POLR2F: variants seen among roughly 807,000 people sequenced by gnomAD.
POLR2F encodes the protein RNA polymerase II, I and III subunit F, also known as DNA-directed RNA polymerases I, II, and III subunit RPABC2.
POLR2F carries 12 observed loss-of-function variants against 22.7 expected under a neutral mutation model. The observed-to-expected ratio is 0.53, with a 90% CI of 0.34 to 0.86. POLR2F has a LOEUF of 0.86. POLR2F is among the 40% of genes least tolerant of loss of function. The pLI, the probability that POLR2F is intolerant of heterozygous loss-of-function variation, is 0.02. For synonymous variants in POLR2F, 57 were observed against 66.0 expected (o/e 0.86, Z 0.66); for missense variants, 126 against 171.5 (o/e 0.73, Z 1.48).
At chr22:37,958,986 AT>A (rs1001909351) in intron 2 of POLR2F, among the ~76,000 whole-genome samples, 1 of 151,952 alleles carries the variant, frequency 6.6e-6, no homozygotes. Flanking sequence ...GCTTAGGGTA[AT>A]TTTTTTGTGC....
rs1020687341 is a variant in POLR2F, at chr22:37,969,054, C to A, written c.*1339C>A. The A allele has an allele frequency of 4.1e-6, 4 of 985,434 alleles. No individual in the cohort carries two copies. Among genetic ancestry groups the A allele is most frequent in the African/African-American group, 1.7e-5 (1 of 57,342 alleles). The allele number at this position is 985,434 out of a possible 1,614,324, so 61.0% of individuals were successfully genotyped here. A position where few individuals can be genotyped will look rare whatever the true frequency, so the allele number is the denominator to read the frequency against. The stretch of plus-strand genomic sequence containing the variant: ...AGAGTGCGGGGGTCACTTTCTCGGC[C>A]CCATTTCTCTAAATGGTCTCTTTGT... On this transcript the variant is annotated 3_prime_UTR_variant, in exon 5 of 5. Coordinates refer to ENST00000442738, the MANE Select transcript of POLR2F (RefSeq NM_021974.5).
chr22:38,007,600 C>T (rs2084833229), intron 1 of POLR2F, among the ~76,000 whole-genome samples: 1 of 152,228 alleles, frequency 6.6e-6, no homozygotes, highest in Non-Finnish European at 1.5e-5. Flanking sequence ...AAAGCCATGC[C>T]TCCCAGGGCT....
intron 4 of POLR2F, among the ~76,000 whole-genome samples, chr22:37,976,237 A>G (rs1932215767): frequency 2.6e-5 from 4 of 152,024 alleles, no homozygotes; most frequent in African/African-American, 9.7e-5. Context: ...AAAAACAAAA[A>G]CAAAAAAAAG....
chr22:37,982,704 G>A (rs1932438332), upstream of POLR2F, among the ~76,000 whole-genome samples: 1 of 152,174 alleles, frequency 6.6e-6, no homozygotes, highest in African/African-American at 2.4e-5. Flanking sequence ...GGTGACTCTG[G>A]GGCAGGGCAG....
downstream of POLR2F, among the ~76,000 whole-genome samples, chr22:37,971,915 G>C (rs968382808): frequency 1.8e-4 from 27 of 151,894 alleles, no homozygotes; most frequent in Admixed American, 1.8e-3. Context: ...GGGCATAGCC[G>C]CCGGGCTGGG....
At chr22:38,034,564 G>A (rs920485958) in intron 5 of POLR2F, among the ~76,000 whole-genome samples, 1 of 152,222 alleles carries the variant, frequency 6.6e-6, no homozygotes, top group East Asian at 1.9e-4. Flanking sequence ...AGGAGAGCCA[G>A]GCCACTTGGA....
chr22:38,015,265 G>A (rs1429332005), intron 1 of POLR2F, among the ~76,000 whole-genome samples: 1 of 152,228 alleles, frequency 6.6e-6, no homozygotes, highest in Non-Finnish European at 1.5e-5. Flanking sequence ...GCCCATGGAA[G>A]GGGCCTGAGG....
rs1298584592 is a variant in POLR2F at position 38,017,618 on chromosome 22, T to C, written c.121-8251T>C. ...GAGCTCAGAGCACCTGAATGGGTCA[T>C]GCAGTCCCGTCAGCATCTCAGGGCT... is the stretch of plus-strand genomic sequence containing the variant. On this transcript the variant is annotated intron_variant, in intron 1 of 2. Transcript: ENST00000333418. This position sits in a 1 kb window ranked among gnomAD's most constrained non-coding sequence, Gnocchi z 4.1. Among the ~76,000 whole-genome samples the C allele has an allele frequency of 6.6e-6, 1 of 152,188 alleles. No individual in the cohort carries two copies. The highest frequency in any genetic ancestry group is 2.4e-5 in the African/African-American group (1 of 41,448).
intron 1 of POLR2F, among the ~76,000 whole-genome samples, chr22:37,998,332 C>T (rs566873821): frequency 5.9e-5 from 9 of 152,358 alleles, no homozygotes; most frequent in Admixed American, 3.9e-4. Context: ...AGGCCAGGGC[C>T]GGGCCGAGGG....
At chr22:38,013,036 A>T (rs1040151824) in intron 1 of POLR2F, among the ~76,000 whole-genome samples, 2 of 152,172 alleles carry the variant, frequency 1.3e-5, no homozygotes, top group African/African-American at 4.8e-5. Context: ...CCTGCCCCAC[A>T]GAACTTATTC....
chr22:37,979,316 T>TC (rs1932322156), intron 4 of POLR2F, among the ~76,000 whole-genome samples: 1 of 152,002 alleles, frequency 6.6e-6, no homozygotes, highest in African/African-American at 2.4e-5. Flanking sequence ...CAGGCTGGTC[T>TC]CCAACTCCTG....
downstream of POLR2F, chr22:37,973,973 C>A (rs1462084730): frequency 6.2e-7 from 1 of 1,612,272 alleles, no homozygotes; most frequent in East Asian, 2.2e-5. Flanking sequence ...GCTCACATGG[C>A]CTGGGTGCCC....
At chr22:38,015,989 C>A (rs920988036) in intron 1 of POLR2F, among the ~76,000 whole-genome samples, 1 of 152,090 alleles carries the variant, frequency 6.6e-6, no homozygotes, top group Non-Finnish European at 1.5e-5. Context: ...GCTCAAGCAT[C>A]CACCCCTCCT....
At chr22:38,039,793 A>G (rs1215596094) in intron 5 of POLR2F, among the ~76,000 whole-genome samples, 1 of 152,174 alleles carries the variant, frequency 6.6e-6, no homozygotes, top group African/African-American at 2.4e-5. Context: ...GGCGAGGGCC[A>G]TTGAGTTCAG....
rs1480688108 is a variant in POLR2F, at chr22:37,956,140, A to C, written c.21-633A>C. ...GTTTCACTCTTGTTGCCCAGGCTGG[A>C]GTGCAATGGCGTGATCTCAGCTCAC... is the stretch of plus-strand genomic sequence containing the variant. On this transcript the variant is annotated intron_variant, in intron 1 of 4. Coordinates refer to ENST00000442738, the MANE Select transcript of POLR2F (RefSeq NM_021974.5). Among the ~76,000 whole-genome samples the C allele has an allele frequency of 5.4e-5, 8 of 148,932 alleles. No homozygotes were observed. The East Asian group carries it at 1.6e-3, about 29-fold the overall frequency.
intron 1 of POLR2F, among the ~76,000 whole-genome samples, chr22:38,014,303 C>A (rs959231795): frequency 6.6e-6 from 1 of 150,962 alleles, no homozygotes; most frequent in African/African-American, 2.4e-5. Context: ...CTCTGTATGC[C>A]TTTTATTTCA....
chr22:38,009,351 G>A (rs1433759251), intron 1 of POLR2F, among the ~76,000 whole-genome samples: 2 of 152,240 alleles, frequency 1.3e-5, no homozygotes, highest in South Asian at 2.1e-4. Flanking sequence ...GAAGCTGGGA[G>A]GCCAGGAAGG....
chr22:37,989,176 C>T (rs60844964), intron 1 of POLR2F, among the ~76,000 whole-genome samples: 4,631 of 152,222 alleles, frequency 0.03, 232 homozygotes, highest in African/African-American at 0.11. Context: ...AGGCAGATCA[C>T]GCTATTAACC....
At chr22:37,961,947 G>A (rs1931659791) in intron 3 of POLR2F, among the ~76,000 whole-genome samples, 1 of 151,966 alleles carries the variant, frequency 6.6e-6, no homozygotes, top group African/African-American at 2.4e-5. Flanking sequence ...AGAAAGAAAA[G>A]CAGCTGGGTG....
Sources: gnomAD v4.1 joint callset for allele counts (sites outside exome capture counted in the v4.1 genomes callset) on GRCh38, gnomAD v4.1.1 for gene constraint, Gnocchi (gnomAD v3.1) non-coding constraint, MANE v1.5 for transcripts, NCBI Gene and HGNC (gene_info 2026-07-23, HGNC 2026-07-21) for gene names.